Variants in ZDHHC15 observed in about 807,000 individuals in gnomAD.
The protein encoded by ZDHHC15 is zDHHC palmitoyltransferase 15, also known as palmitoyltransferase ZDHHC15.
In ZDHHC15, 19 loss-of-function variants were observed where a neutral mutation model predicts 31.7. The observed-to-expected ratio is 0.60, with a 90% CI of 0.42 to 0.88. The LOEUF (loss-of-function observed/expected upper bound fraction) is 0.88. ZDHHC15 is among the 40% of genes least tolerant of loss of function. ZDHHC15 has a pLI of 0.00. For missense variants in ZDHHC15, 209 were observed against 251.2 expected, an observed-to-expected ratio of 0.83 and a Z score of 1.14; for synonymous variants, 103 against 90.0, an observed-to-expected ratio of 1.14 and a Z score of -0.82.
In ZDHHC15 at chrX:75,482,731, C is replaced by T. The variant is rs142050924; in HGVS notation, c.164-3746G>A. Among the ~76,000 whole-genome samples the T allele has an allele frequency of 5.1e-3, 571 of 111,129 alleles. 4 individuals carry two copies. The highest frequency in any genetic ancestry group is 0.018 in the African/African-American group (554 of 30,618). ...TTGGAATTTGGTGAATGACATCAAG[C>T]TACCAAAATATATAAACTTCTTATG... On this transcript the variant is annotated intron_variant, in intron 2 of 11. Coordinates refer to ENST00000373367, the MANE Select transcript of ZDHHC15 (RefSeq NM_144969.3).
chrX:75,521,239 G>C (rs1309918798), intron 1 of ZDHHC15, among the ~76,000 whole-genome samples: 1 of 110,715 alleles, frequency 9.0e-6, no homozygotes, highest in East Asian at 2.9e-4. Context: ...AAGTTTAAGG[G>C]TGCTGGCGAT....
rs2084459168 is a variant in ZDHHC15 at position 75,469,018 on chromosome X, C to G, written c.258+9873G>C. On this transcript the variant is annotated intron_variant, in intron 3 of 11. Transcript: ENST00000373367. ...TCTCCCATTCTTTGGATGATCATCT[C>G]ACTTTCTTGATAGTGTTGTTTGATG... Among the ~76,000 whole-genome samples the G allele has an allele frequency of 3.7e-5, 4 of 108,546 alleles. No homozygotes were observed. The Admixed American group carries it at 4.0e-4, about 11-fold the overall frequency. The allele number at this position is 108,546 out of a possible 115,157, so 94.3% of individuals were successfully genotyped here.
At chrX:75,482,558 T>A (rs1228517450) in intron 2 of ZDHHC15, among the ~76,000 whole-genome samples, 4 of 111,763 alleles carry the variant, frequency 3.6e-5, no homozygotes, top group African/African-American at 1.3e-4. Context: ...ATAAACCTTC[T>A]ATGAAGCTGG....
At chrX:75,455,350 C>T (rs867626139) in intron 3 of ZDHHC15, among the ~76,000 whole-genome samples, 12 of 111,609 alleles carry the variant, frequency 1.1e-4, no homozygotes, top group Middle Eastern at 4.2e-3. Flanking sequence ...TTCCTTACAC[C>T]TTGTACAAAA....
At chrX:75,494,471 C>T (rs1016611516) in intron 2 of ZDHHC15, among the ~76,000 whole-genome samples, 1 of 111,311 alleles carries the variant, frequency 9.0e-6, no homozygotes, top group Admixed American at 9.6e-5. Context: ...GCCCACATTG[C>T]CAAGTCAATC....
chrX:75,517,757 A>G (rs1324387588), intron 1 of ZDHHC15, among the ~76,000 whole-genome samples: 1 of 110,561 alleles, frequency 9.0e-6, no homozygotes, highest in Admixed American at 9.7e-5. Flanking sequence ...ATTTTAAAAA[A>G]AAGCTGGACT....
At chrX:75,506,570 G>C (rs920676680) in intron 1 of ZDHHC15, among the ~76,000 whole-genome samples, 4 of 111,679 alleles carry the variant, frequency 3.6e-5, no homozygotes, top group African/African-American at 1.3e-4. Flanking sequence ...GAGTCTGCTT[G>C]AAGATTGATA....
intron 4 of ZDHHC15, among the ~76,000 whole-genome samples, chrX:75,441,814 G>A (rs2083946135): frequency 9.1e-6 from 1 of 109,333 alleles, no homozygotes; most frequent in Non-Finnish European, 1.9e-5. Flanking sequence ...TAGTAGAGAT[G>A]GGGTTTCACC....
chrX:75,452,188 C>A, intron 3 of ZDHHC15, among the ~76,000 whole-genome samples: 1 of 84,488 alleles, frequency 1.2e-5, no homozygotes, highest in South Asian at 8.3e-4. Context: ...GGAGGAAGAT[C>A]TACCAAGCAA....
At chrX:75,504,667 T>C (rs5938085) in intron 2 of ZDHHC15, among the ~76,000 whole-genome samples, 9,991 of 111,532 alleles carry the variant, frequency 0.09, 697 homozygotes, top group African/African-American at 0.24. Flanking sequence ...GCCATTATTC[T>C]TATTATGGTA....
rs747774984 is a variant in ZDHHC15 at position 75,439,059 on chromosome X, T to G, written c.380-7539A>C. 2.2e-3 allele frequency among the ~76,000 whole-genome samples: 241 copies of G among 111,623 alleles called. 6 individuals are homozygous for G. The highest frequency in any genetic ancestry group is 5.3e-4 in the Non-Finnish European group (28 of 53,187). ...GATAGCTTTCCCTTCATAGGTTACC[T>G]GATGCTTTTGCCTCACAGCTCTTAA... On this transcript the variant is annotated intron_variant, in intron 4 of 11. Transcript: ENST00000373367.
intron 3 of ZDHHC15, among the ~76,000 whole-genome samples, chrX:75,475,580 ATCTGTCCTTATGCTAG>A (rs1348477952): frequency 8.9e-6 from 1 of 112,110 alleles, no homozygotes; most frequent in Non-Finnish European, 1.9e-5. Flanking sequence ...TGGTCTACAT[ATCTGTCCTTATGCTAG>A]TACCACATTG....
intron 3 of ZDHHC15, among the ~76,000 whole-genome samples, chrX:75,473,832 T>C (rs886074783): frequency 2.7e-5 from 3 of 112,175 alleles, no homozygotes; most frequent in Non-Finnish European, 5.6e-5. Context: ...ATTTCCTTTT[T>C]CCTTTATCAT....
chrX:75,389,622 C>G (rs753925096), intron 10 of ZDHHC15, among the ~76,000 whole-genome samples: 3 of 110,665 alleles, frequency 2.7e-5, no homozygotes, highest in Non-Finnish European at 1.9e-5. Flanking sequence ...AGGGAACATG[C>G]TGTATTAAAG....
At chrX:75,508,359 T>C (rs945915308) in intron 1 of ZDHHC15, among the ~76,000 whole-genome samples, 2 of 92,228 alleles carry the variant, frequency 2.2e-5, no homozygotes, top group Non-Finnish European at 4.2e-5. Flanking sequence ...AGTGTTCTCA[T>C]TGTTCAATTC....
intron 3 of ZDHHC15, among the ~76,000 whole-genome samples, chrX:75,463,338 T>G (rs1322582978): frequency 1.8e-5 from 2 of 110,910 alleles, no homozygotes; most frequent in Non-Finnish European, 3.8e-5. Flanking sequence ...AAAGAAAAGC[T>G]GGTATCATTT....
chrX:75,453,051 G>T (rs891280672), intron 3 of ZDHHC15, among the ~76,000 whole-genome samples: 1 of 111,571 alleles, frequency 9.0e-6, no homozygotes, highest in Admixed American at 9.6e-5. Flanking sequence ...AACTGAAGGA[G>T]ATAGAGACAC....
chrX:75,419,326 A>G (rs2083591388), intron 9 of ZDHHC15, among the ~76,000 whole-genome samples: 1 of 112,255 alleles, frequency 8.9e-6, no homozygotes, highest in Admixed American at 9.5e-5. Flanking sequence ...AGACATTTAT[A>G]CAGCCAAAAG....
intron 1 of ZDHHC15, among the ~76,000 whole-genome samples, chrX:75,513,501 T>C: frequency 9.0e-6 from 1 of 111,025 alleles, no homozygotes; most frequent in Non-Finnish European, 1.9e-5. Flanking sequence ...GAGGATACTG[T>C]GACATTTTAA....
Sources: gnomAD v4.1 joint callset for allele counts (sites outside exome capture counted in the v4.1 genomes callset) on GRCh38, gnomAD v4.1.1 for gene constraint, MANE v1.5 for transcripts, NCBI Gene and HGNC (gene_info 2026-07-23, HGNC 2026-07-21) for gene names.